The following TG variants were observed in gnomAD, a reference collection of about 807,000 sequenced individuals.
The protein encoded by TG is thyroglobulin, also known as thyroid hormones.
Under a neutral mutation model 324.7 loss-of-function variants are expected in TG, and 270 were observed. The observed-to-expected ratio is 0.83, with a 90% CI of 0.75 to 0.92. TG has a LOEUF of 0.92. Ranked by LOEUF, TG falls within the 40% of genes least tolerant of loss-of-function variation. The pLI is 0.00. For missense variants in TG, 3,591 were observed against 3,456.4 expected, an observed-to-expected ratio of 1.04 and a Z score of -0.98; for synonymous variants, 1,401 against 1,327.0, an observed-to-expected ratio of 1.06 and a Z score of -1.21.
intron 35 of TG, among the ~76,000 whole-genome samples, chr8:133,006,912 T>G (rs1035577378): frequency 5.9e-5 from 9 of 152,232 alleles, no homozygotes; most frequent in Admixed American, 4.6e-4. Flanking sequence ...TGTATTAGAA[T>G]GGGCCATAAT....
At chr8:132,945,811 G>A (rs1183153745) in intron 26 of TG, among the ~76,000 whole-genome samples, 1 of 152,152 alleles carries the variant, frequency 6.6e-6, no homozygotes, top group Admixed American at 6.5e-5. Flanking sequence ...TGGTGAGGAA[G>A]TTGTCAACAG....
At chr8:133,120,800 G>T (rs1390727323) in intron 45 of TG, among the ~76,000 whole-genome samples, 4 of 152,196 alleles carry the variant, frequency 2.6e-5, no homozygotes, top group African/African-American at 9.6e-5. Flanking sequence ...GGGAGACACA[G>T]TTCAACCCAT....
At chr8:133,123,749 C>T (rs981985806) in intron 45 of TG, among the ~76,000 whole-genome samples, 1 of 152,200 alleles carries the variant, frequency 6.6e-6, no homozygotes, top group African/African-American at 2.4e-5. Context: ...GTGCTCTGGG[C>T]CCCAGCAAGT....
At position 133,030,117 on chromosome 8, in the gene TG, C is replaced by A. The variant is rs1202039288; in HGVS notation, c.7239+94C>A. Reference sequence around the variant, plus strand: ...GCAAAAGTCTAGTTGGCTTCAATTGCTTGGGTTTCCCTTGTCCTTTGTCCT... The same window carrying A: ...GCAAAAGTCTAGTTGGCTTCAATTGATTGGGTTTCCCTTGTCCTTTGTCCT... On this transcript the variant is annotated intron_variant, in intron 41 of 47. Transcript: ENST00000220616. 4.0e-6 allele frequency: 6 copies of A among 1,487,272 alleles called. No individual in the cohort carries two copies. In the African/African-American group the frequency reaches 6.9e-5, roughly 17 times the overall value. 92.1% of individuals were successfully genotyped at this position (1,487,272 alleles called of 1,614,324 possible).
Position 133,029,896 on chromosome 8 carries a change from G to T in TG, c.7112G>T (p.Arg2371Leu). 6.2e-7 allele frequency: 1 copy of T among 1,614,230 alleles called. No homozygotes were observed. The highest frequency in any genetic ancestry group is 1.7e-5 in the Admixed American group (1 of 60,032). The change falls in exon 41 of 48, where the codon CGA (arginine) becomes CTA (leucine). Residue 2371 changes from arginine (R) to leucine (L), a missense_variant. Physicochemically the swap from Arg to Leu is moderately radical, Grantham distance 102. Transcript: ENST00000220616. ...CTGACCTGGGTGCAGACCCACATCCGAGGATTTGGCGGGGACCCTCGGCGC... is the reference window on the plus strand; with the variant it reads ...CTGACCTGGGTGCAGACCCACATCCTAGGATTTGGCGGGGACCCTCGGCGC... ...AALTWVQTHIRGFGGDPRRVS... is the reference protein window; with the variant it reads ...AALTWVQTHILGFGGDPRRVS...
chr8:132,955,511 T>C (rs1027281509), intron 27 of TG, among the ~76,000 whole-genome samples: 2 of 152,232 alleles, frequency 1.3e-5, no homozygotes, highest in African/African-American at 4.8e-5. Context: ...CAGGAATCTG[T>C]CACAATCTCT....
intron 41 of TG, among the ~76,000 whole-genome samples, chr8:133,066,477 C>T (rs1843057836): frequency 6.6e-6 from 1 of 152,046 alleles, no homozygotes; most frequent in Non-Finnish European, 1.5e-5. Context: ...GAGAAATTTC[C>T]AAAATGTTTC....
At chr8:132,942,185 A>C (rs2741207) in intron 26 of TG, among the ~76,000 whole-genome samples, 76,976 of 152,078 alleles carry the variant, frequency 0.51, 21,278 homozygotes, top group Non-Finnish European at 0.61. Context: ...CACTGCTGTC[A>C]CTTTCTGGCT....
chr8:133,107,022 CTTTTTA>C (rs1349954893), intron 43 of TG, among the ~76,000 whole-genome samples: 1 of 152,184 alleles, frequency 6.6e-6, no homozygotes, highest in Non-Finnish European at 1.5e-5. Flanking sequence ...TGCTGATTTT[CTTTTTA>C]ATCATTTACT....
At chr8:132,921,882 G>A (rs1173404568) in intron 21 of TG, among the ~76,000 whole-genome samples, 1 of 152,146 alleles carries the variant, frequency 6.6e-6, no homozygotes, top group Non-Finnish European at 1.5e-5. Flanking sequence ...AATCAATGGT[G>A]AATCACATAA....
chr8:133,106,325 G>A (rs747650593), intron 43 of TG: 163 of 853,738 alleles, frequency 1.9e-4, no homozygotes, highest in South Asian at 3.2e-4. Flanking sequence ...GGGGCCAGTC[G>A]GCTCCTTACT....
chr8:132,930,418 CG>C (rs1465044661), intron 23 of TG, among the ~76,000 whole-genome samples: 2 of 152,182 alleles, frequency 1.3e-5, no homozygotes, highest in African/African-American at 4.8e-5. Context: ...TGGTAGCTCA[CG>C]CCTCTAATCC....
intron 41 of TG, among the ~76,000 whole-genome samples, chr8:133,031,246 C>G (rs74577600): frequency 0.014 from 2,059 of 152,216 alleles, 54 homozygotes; most frequent in African/African-American, 0.047. Context: ...GGCTTATTTC[C>G]CTTAGCATAA....
chr8:132,957,326 CA>C (rs1827032212), intron 27 of TG, among the ~76,000 whole-genome samples: 2 of 152,118 alleles, frequency 1.3e-5, no homozygotes, highest in Admixed American at 1.3e-4. Flanking sequence ...CTTAAGACAG[CA>C]TATTTCCCAG....
intron 20 of TG, among the ~76,000 whole-genome samples, chr8:132,914,296 C>T (rs1819977143): frequency 6.6e-6 from 1 of 152,210 alleles, no homozygotes; most frequent in African/African-American, 2.4e-5. Context: ...AAGCCTTCCT[C>T]CTGTGTGGGG....
intron 18 of TG, among the ~76,000 whole-genome samples, chr8:132,910,956 A>G (rs1819432272): frequency 2.0e-5 from 3 of 152,158 alleles, no homozygotes; most frequent in Admixed American, 2.0e-4. Context: ...AGTGGGCACA[A>G]CTCAGCCACA....
chr8:132,989,794 C>T (rs758265672), intron 35 of TG, among the ~76,000 whole-genome samples: 2 of 152,106 alleles, frequency 1.3e-5, no homozygotes, highest in African/African-American at 2.4e-5. Context: ...GTGTCAGCAC[C>T]GGCGGGAAGC....
intron 35 of TG, among the ~76,000 whole-genome samples, chr8:132,991,968 C>G (rs1832396710): frequency 1.3e-5 from 2 of 152,124 alleles, no homozygotes; most frequent in African/African-American, 2.4e-5. Flanking sequence ...GGTGAGGAAA[C>G]TGGTTCCCAG....
chr8:133,072,582 C>T (rs1844231713), intron 41 of TG, among the ~76,000 whole-genome samples: 1 of 152,174 alleles, frequency 6.6e-6, no homozygotes, highest in South Asian at 2.1e-4. Flanking sequence ...AAGTTTCAGC[C>T]TCTCTCAGAG....
Sources: gnomAD v4.1 joint callset for allele counts (sites outside exome capture counted in the v4.1 genomes callset) on GRCh38, gnomAD v4.1.1 for gene constraint, MANE v1.5 for transcripts, NCBI Gene and HGNC (gene_info 2026-07-23, HGNC 2026-07-21) for gene names.